Variants in NFIA observed in about 807,000 individuals in gnomAD.
The protein encoded by NFIA is nuclear factor I A, also known as nuclear factor 1 A-type.
In NFIA, 8 loss-of-function variants were observed where a neutral mutation model predicts 62.8. That is an observed-to-expected ratio of 0.13 (90% CI 0.07 to 0.23). The LOEUF is 0.23. NFIA is among the 10% of genes least tolerant of loss of function. NFIA has a pLI of 1.00. For missense variants in NFIA, 410 were observed against 642.1 expected (o/e 0.64, Z 3.91); for synonymous variants, 235 against 238.1 (o/e 0.99, Z 0.12).
chr1:61,184,125 C>CA (rs71050114), intron 2 of NFIA, among the ~76,000 whole-genome samples: 12,364 of 94,686 alleles, frequency 0.13, 562 homozygotes, highest in Middle Eastern at 0.19. Context: ...GAAAAAAAAC[C>CA]AAAAAAAAAA....
intron 2 of NFIA, among the ~76,000 whole-genome samples, chr1:61,259,185 T>G (rs1300320503): frequency 6.6e-6 from 1 of 152,228 alleles, no homozygotes; most frequent in Non-Finnish European, 1.5e-5. Flanking sequence ...CCATCCCTGA[T>G]AAAGAGAAGA....
chr1:61,293,460 GA>G (rs1442712406), intron 3 of NFIA, among the ~76,000 whole-genome samples: 4 of 152,200 alleles, frequency 2.6e-5, no homozygotes, highest in African/African-American at 9.7e-5. Flanking sequence ...TAGTGTTTCT[GA>G]ACAGTTTCAA....
chr1:61,218,809 T>C (rs922553638), intron 2 of NFIA, among the ~76,000 whole-genome samples: 1 of 152,248 alleles, frequency 6.6e-6, no homozygotes, highest in African/African-American at 2.4e-5. Flanking sequence ...GTTTTTATTA[T>C]TATAATTAAT....
chr1:61,204,485 A>T (rs1374090362), intron 2 of NFIA, among the ~76,000 whole-genome samples: 2 of 151,942 alleles, frequency 1.3e-5, no homozygotes, highest in Non-Finnish European at 2.9e-5. Context: ...ATATTTTTTT[A>T]TTTTTTATTT....
rs536672905 is a variant in NFIA at position 61,138,452 on chromosome 1, C to G, written c.559+49772C>G. Among the ~76,000 whole-genome samples the G allele has an allele frequency of 7.2e-5, 11 of 152,222 alleles. No homozygotes were observed. In the South Asian group the frequency reaches 2.1e-3, roughly 29 times the overall value. On this transcript the variant is annotated intron_variant, in intron 2 of 10. Coordinates refer to ENST00000403491, the MANE Select transcript of NFIA (RefSeq NM_001134673.4). ...CACCACCCTTAGAGGTAGAAAGAATCTTTGACCCCACCACCCTTAGAGGTA... is the reference window on the plus strand; with the variant it reads ...CACCACCCTTAGAGGTAGAAAGAATGTTTGACCCCACCACCCTTAGAGGTA...
intron 2 of NFIA, among the ~76,000 whole-genome samples, chr1:61,157,386 C>T (rs1648890888): frequency 6.6e-6 from 1 of 151,612 alleles, no homozygotes; most frequent in South Asian, 2.1e-4. Flanking sequence ...TCAACACACT[C>T]GAATGAGCAC....
intron 2 of NFIA, among the ~76,000 whole-genome samples, chr1:61,155,679 C>CAAAAAAAAAA (rs35851988): frequency 1.8e-5 from 2 of 108,640 alleles, no homozygotes; most frequent in Admixed American, 1.0e-4. Context: ...GACTCCATCT[C>CAAAAAAAAAA]AAAAAAAAAA....
chr1:61,273,162 C>A (rs1657616946), intron 2 of NFIA, among the ~76,000 whole-genome samples: 1 of 152,312 alleles, frequency 6.6e-6, no homozygotes, highest in Non-Finnish European at 1.5e-5. Context: ...TTCACAACAG[C>A]AGTTGTGAGG....
intron 2 of NFIA, among the ~76,000 whole-genome samples, chr1:61,221,755 A>G (rs181408855): frequency 2.0e-5 from 3 of 152,248 alleles, no homozygotes; most frequent in Admixed American, 6.5e-5. Context: ...AGTTAATTTC[A>G]GCACTGTAAT....
intron 5 of NFIA, 61 bp downstream of exon 5, chr1:61,352,628 C>G: frequency 2.3e-6 from 3 of 1,281,214 alleles, no homozygotes; most frequent in African/African-American, 1.5e-5. Context: ...TTGATTTTAA[C>G]TCTGGGCCCA....
intron 2 of NFIA, among the ~76,000 whole-genome samples, chr1:61,104,260 T>G (rs2100441646): frequency 1.3e-5 from 2 of 152,226 alleles, no homozygotes; most frequent in East Asian, 3.9e-4. Context: ...GAAAAGGGCC[T>G]GTCAGTCATG....
intron 2 of NFIA, among the ~76,000 whole-genome samples, chr1:61,125,523 A>G (rs903705255): frequency 4.6e-5 from 7 of 152,216 alleles, no homozygotes; most frequent in Non-Finnish European, 8.8e-5. Flanking sequence ...AACAAATTCT[A>G]TTCAGAGCAC....
At chr1:61,404,006 C>A (rs74089318) in intron 7 of NFIA, 98 bp from the exon 8 acceptor site, 1 of 1,372,086 alleles carries the variant, frequency 7.3e-7, no homozygotes, top group Non-Finnish European at 1.0e-6. Context: ...TATTGTGAAT[C>A]GGGCCAGGAA....
chr1:61,428,990 A>G lies in NFIA; in HGVS notation c.1512+2434A>G, dbSNP rs148908819. 3.1e-3 allele frequency among the ~76,000 whole-genome samples: 470 copies of G among 152,318 alleles called. 2 individuals are homozygous for G. Among genetic ancestry groups the G allele is most frequent in the African/African-American group, 0.011 (454 of 41,566 alleles). ...GAAGCAGTATCTTGTACATAAATCT[A>G]TAAACAGATGCAAAATAAAATGGGC... On this transcript the variant is annotated intron_variant, in intron 10 of 10. Coordinates refer to ENST00000403491, the MANE Select transcript of NFIA (RefSeq NM_001134673.4).
At position 61,317,037 on chromosome 1, in the gene NFIA, C is replaced by T. The variant is rs772200105; in HGVS notation, c.626-15475C>T. On this transcript the variant is annotated intron_variant, in intron 3 of 10. Transcript: ENST00000403491. Reference sequence around the variant, plus strand: ...TTCACATCTAAAAAAATTTAAATAACTTTTTTTCAAAAAAATACTGAAAAA... The same window carrying T: ...TTCACATCTAAAAAAATTTAAATAATTTTTTTTCAAAAAAATACTGAAAAA... Among the ~76,000 whole-genome samples, 54 of 151,912 alleles carry T rather than the reference C, an allele frequency of 3.6e-4. 1 individual carries two copies. The highest frequency in any genetic ancestry group is 2.1e-3 in the Admixed American group (32 of 15,244).
intron 10 of NFIA, among the ~76,000 whole-genome samples, chr1:61,443,954 A>G (rs974579627): frequency 2.6e-5 from 4 of 151,978 alleles, no homozygotes; most frequent in Non-Finnish European, 5.9e-5. Context: ...AAAAATAGCC[A>G]TTTCTTCCTC....
At chr1:61,310,764 T>TTTCCTTCCTTCC (rs372925891) in intron 3 of NFIA, among the ~76,000 whole-genome samples, 3,304 of 129,378 alleles carry the variant, frequency 0.026, 218 homozygotes, top group African/African-American at 0.093. Context: ...TTCTCCCTCT[T>TTTCCTTCCTTCC]TTCCTTCCTT....
chr1:61,417,779 C>T (rs890194638), intron 9 of NFIA, among the ~76,000 whole-genome samples: 4 of 152,094 alleles, frequency 2.6e-5, no homozygotes, highest in African/African-American at 4.8e-5. Context: ...TTTTTCTTTA[C>T]TTGTATCAAT....
chr1:61,334,740 C>A (rs1190950557), intron 4 of NFIA, among the ~76,000 whole-genome samples: 1 of 151,542 alleles, frequency 6.6e-6, no homozygotes, highest in Non-Finnish European at 1.5e-5. Context: ...GAGCACTAGC[C>A]ATTTTATTCT....
Sources: gnomAD v4.1 joint callset for allele counts (sites outside exome capture counted in the v4.1 genomes callset) on GRCh38, gnomAD v4.1.1 for gene constraint, MANE v1.5 for transcripts, NCBI Gene and HGNC (gene_info 2026-07-23, HGNC 2026-07-21) for gene names.